Variants in FOCAD observed in about 807,000 individuals in gnomAD.
FOCAD encodes the protein KIAA1797.
In FOCAD, 198 loss-of-function variants were observed where a neutral mutation model predicts 225.6. That is an observed-to-expected ratio of 0.88 (90% confidence interval 0.78 to 0.99). The LOEUF is 0.99. FOCAD is among the 50% of genes least tolerant of loss of function. The pLI is 0.00. For missense variants in FOCAD, 2,713 were observed against 2,123.6 expected, an observed-to-expected ratio of 1.28 and a Z score of -5.46; for synonymous variants, 897 against 755.0, an observed-to-expected ratio of 1.19 and a Z score of -3.08.
In FOCAD at chr9:20,770,159, G is replaced by T. The variant is rs1449386411; in HGVS notation, c.827G>T (p.Ser276Ile). Residue 276 changes from serine to isoleucine, a missense_variant, in exon 8 of 44, where the codon AGT becomes ATT. By Grantham distance (142) the Ser-to-Ile change is moderately radical (BLOSUM62 -2). Coordinates refer to ENST00000338382, the MANE Select transcript of FOCAD (RefSeq NM_001375567.1). ...TQMSLQLLCV[S>I]EVSLKITGEC... is the part of the protein sequence containing the mutation. ...ATGAGTCTTCAGCTGCTGTGTGTCA[G>T]TGAAGTCAGCTTAAAGATAACTGGT... 18 of 1,613,998 alleles carry T rather than the reference G, an allele frequency of 1.1e-5. No homozygotes were observed. Among genetic ancestry groups the T allele is most frequent in the African/African-American group, 4.0e-5 (3 of 74,936 alleles).
At position 20,927,310 on chromosome 9, in the gene FOCAD, T is replaced by C. The variant is rs1046158956; in HGVS notation, c.3078+893T>C. Among the ~76,000 whole-genome samples, 3 of 152,152 alleles carry C rather than the reference T, an allele frequency of 2.0e-5. No homozygotes were observed. In the East Asian group the frequency reaches 5.8e-4, roughly 29 times the overall value. ...TATAAAATGAAGGAATTGAAAAATA[T>C]CATCTATAGTAGTTGTAGCCCTTGC... On this transcript the variant is annotated intron_variant, in intron 26 of 43. Coordinates refer to ENST00000338382, the MANE Select transcript of FOCAD (RefSeq NM_001375567.1).
At chr9:20,868,300 C>G (rs552220995) in intron 18 of FOCAD, among the ~76,000 whole-genome samples, 2 of 152,208 alleles carry the variant, frequency 1.3e-5, no homozygotes, top group African/African-American at 4.8e-5. Context: ...TAAATCACAG[C>G]ATAAAAATTA....
In FOCAD at chr9:20,696,802, TATAATAATA is replaced by T. The variant is rs550289375; in HGVS notation, c.-33+12527_-33+12535del. Reference sequence around the variant, plus strand: ...CCTGGGTGACAGCAAGACTCTATCTTATAATAATAATAATAATAATAATAATTAATTGCC... The same window carrying T: ...CCTGGGTGACAGCAAGACTCTATCTTATAATAATAATAATAATTAATTGCC... On this transcript the variant is annotated intron_variant, in intron 1 of 43. Transcript: ENST00000338382. Among the ~76,000 whole-genome samples, 77 of 150,960 alleles carry T rather than the reference TATAATAATA, an allele frequency of 5.1e-4. No individual in the cohort carries two copies. The East Asian group carries it at 9.9e-3, about 19-fold the overall frequency.
At chr9:20,741,712 C>G (rs1193585454) in intron 5 of FOCAD, among the ~76,000 whole-genome samples, 1 of 100,300 alleles carries the variant, frequency 1.0e-5, no homozygotes, top group African/African-American at 3.8e-5. Context: ...ATAGTGGTGT[C>G]CTTTGTGACG....
chr9:20,710,860 CAAG>C (rs1478622331), intron 1 of FOCAD, among the ~76,000 whole-genome samples: 1 of 152,152 alleles, frequency 6.6e-6, no homozygotes, highest in Non-Finnish European at 1.5e-5. Context: ...GGAATTATGT[CAAG>C]AAATTTTGTA....
At position 20,778,754 on chromosome 9, in the gene FOCAD, C is replaced by T; in HGVS notation, c.980C>T (p.Pro327Leu). Residue 327 changes from proline (P) to leucine (L), a missense_variant, in exon 9 of 44, where the codon CCA becomes CTA. Physicochemically the swap from Pro to Leu is moderately conservative, Grantham distance 98 (BLOSUM62 -3). Transcript: ENST00000338382. ...LLQTPASQQK[P>L]ILNLALKLLS... is the part of the protein sequence containing the mutation. Reference sequence around the variant, plus strand: ...CAGACTCCAGCAAGTCAGCAGAAGCCAATCTTAAATCTAGGTAAATAAAAA... The same window carrying T: ...CAGACTCCAGCAAGTCAGCAGAAGCTAATCTTAAATCTAGGTAAATAAAAA... The T allele has an allele frequency of 1.2e-6, 2 of 1,604,448 alleles. No homozygotes were observed. The highest frequency in any genetic ancestry group is 1.7e-6 in the Non-Finnish European group (2 of 1,172,068).
intron 11 of FOCAD, among the ~76,000 whole-genome samples, chr9:20,795,930 C>A (rs1376600831): frequency 1.3e-5 from 2 of 151,526 alleles, no homozygotes; most frequent in Admixed American, 6.6e-5. Flanking sequence ...CGTCATTTAA[C>A]ATTAGGTATA....
chr9:20,907,339 T>C (rs1167533108), intron 22 of FOCAD, 97 bp downstream of exon 22: 17 of 847,998 alleles, frequency 2.0e-5, no homozygotes, highest in Non-Finnish European at 3.1e-5. Context: ...CTTGGGAAAA[T>C]AGCACTACCA....
At chr9:20,862,871 C>T (rs2131700207) in intron 16 of FOCAD, 159 bp downstream of exon 16, 2 of 573,024 alleles carry the variant, frequency 3.5e-6, no homozygotes, top group East Asian at 6.5e-5. Flanking sequence ...GATAGCTCCT[C>T]ATCAATCTTA....
At chr9:20,808,161 C>T (rs1240497534) in intron 11 of FOCAD, among the ~76,000 whole-genome samples, 1 of 152,258 alleles carries the variant, frequency 6.6e-6, no homozygotes, top group Middle Eastern at 3.4e-3. Flanking sequence ...AGGAGTTTTT[C>T]AAATGGGGTT....
chr9:20,786,967 G>A (rs566551937), intron 10 of FOCAD: 1 of 475,986 alleles, frequency 2.1e-6, no homozygotes, highest in East Asian at 6.3e-5. Context: ...ATGGGGCCAG[G>A]ATTTGGTAGC....
rs1842000397 is a variant in FOCAD at position 20,995,564 on chromosome 9, C to T, written c.5341C>T (p.Leu1781=). The T allele has an allele frequency of 1.9e-6, 3 of 1,612,364 alleles. No homozygotes were observed. Among genetic ancestry groups the T allele is most frequent in the African/African-American group, 2.7e-5 (2 of 74,870 alleles). Residue 1781 remains leucine, a synonymous_variant, in exon 44 of 44, where the codon CTG becomes TTG. Transcript: ENST00000338382. ...ATATTTTGTCCCCTTAGCCACCCTG[C>T]TGTCCTTGAGAGTTCTCCCAGAGTT... ...QSRDLLKATL[L]SLRVLPEFKK...
chr9:20,970,759 AT>A (rs1330609090), intron 35 of FOCAD, among the ~76,000 whole-genome samples: 1 of 151,946 alleles, frequency 6.6e-6, no homozygotes, highest in African/African-American at 2.4e-5. Context: ...TATGCTCCAT[AT>A]TTTTTTGAAA....
intron 21 of FOCAD, among the ~76,000 whole-genome samples, chr9:20,891,186 A>AT (rs1313351157): frequency 6.6e-6 from 1 of 152,146 alleles, no homozygotes; most frequent in Non-Finnish European, 1.5e-5. Flanking sequence ...ATGTTGTGTG[A>AT]TTTTTTATTT....
chr9:20,869,584 G>A (rs1829589665), intron 18 of FOCAD, among the ~76,000 whole-genome samples: 1 of 152,142 alleles, frequency 6.6e-6, no homozygotes, highest in South Asian at 2.1e-4. Flanking sequence ...TTAAGGTAAT[G>A]TACTGGATAG....
intron 2 of FOCAD, among the ~76,000 whole-genome samples, chr9:20,717,162 G>T (rs896741926): frequency 1.3e-5 from 2 of 152,166 alleles, no homozygotes; most frequent in South Asian, 2.1e-4. Context: ...TCTTAAATCA[G>T]TTCCAATGTG....
At chr9:20,791,276 C>T (rs940463025) in intron 11 of FOCAD, among the ~76,000 whole-genome samples, 4 of 149,772 alleles carry the variant, frequency 2.7e-5, no homozygotes, top group Non-Finnish European at 4.5e-5. Context: ...AAATTTGATC[C>T]AGCATGATGC....
At chr9:20,872,483 C>G (rs574080811) in intron 18 of FOCAD, among the ~76,000 whole-genome samples, 87 of 151,108 alleles carry the variant, frequency 5.8e-4, no homozygotes, top group African/African-American at 2.0e-3. Flanking sequence ...GACTTTTCCC[C>G]GACTCCCCAC....
At chr9:20,944,446 T>A (rs1343764708) in intron 28 of FOCAD, among the ~76,000 whole-genome samples, 181 bp from the exon 29 acceptor site, 1 of 152,126 alleles carries the variant, frequency 6.6e-6, no homozygotes, top group East Asian at 1.9e-4. Flanking sequence ...CAGGTTTTCA[T>A]TTTGAGGGGA....
Sources: allele counts gnomAD v4.1 joint callset (sites outside exome capture counted in the v4.1 genomes callset), GRCh38; gene constraint gnomAD v4.1.1; transcripts MANE v1.5; gene names NCBI Gene and HGNC (gene_info 2026-07-23, HGNC 2026-07-21).